Variants in GRID1 observed in about 807,000 individuals in gnomAD.
GRID1 encodes glutamate ionotropic receptor delta type subunit 1.
In GRID1, 28 loss-of-function variants were observed where a neutral mutation model predicts 98.0. The observed-to-expected ratio is 0.29, with a 90% CI of 0.21 to 0.39. GRID1 has a LOEUF of 0.39. GRID1 is among the 10% of genes least tolerant of loss of function. The pLI is 1.00. For missense variants in GRID1, 1,111 were observed against 1,340.5 expected (o/e 0.83, Z 2.67); for synonymous variants, 553 against 538.5 (o/e 1.03, Z -0.37).
In GRID1 at chr10:85,647,111, G is replaced by A. The variant is rs1401244480; in HGVS notation, c.2193+91C>T. The A allele has an allele frequency of 6.2e-6, 6 of 970,006 alleles. No homozygotes were observed. The African/African-American group carries it at 9.6e-5, about 16-fold the overall frequency. The allele number at this position is 970,006 out of a possible 1,614,324, so 60.1% of individuals were successfully genotyped here. Reference sequence around the variant, plus strand: ...TTGCAGGTAACAGGGCTGCTCAGAGGCAGATGCCCCTGGAGGTGTCTCCCA... The same window carrying A: ...TTGCAGGTAACAGGGCTGCTCAGAGACAGATGCCCCTGGAGGTGTCTCCCA... On this transcript the variant is annotated intron_variant, in intron 13 of 15. Coordinates refer to ENST00000327946, the MANE Select transcript of GRID1 (RefSeq NM_017551.3).
chr10:85,823,345 T>C (rs370449756), intron 8 of GRID1, among the ~76,000 whole-genome samples: 2 of 152,118 alleles, frequency 1.3e-5, no homozygotes, highest in African/African-American at 2.4e-5. Context: ...ATCCATGATA[T>C]GTTCAAGAAA....
chr10:85,755,489 C>T (rs1190289341), intron 8 of GRID1, among the ~76,000 whole-genome samples: 1 of 152,222 alleles, frequency 6.6e-6, no homozygotes, highest in Non-Finnish European at 1.5e-5. Context: ...TGCAACGTCA[C>T]TTCTGCCACA....
rs777039213 is a variant in GRID1, at chr10:85,982,398, GAC to G, written c.727-66161_727-66160del. On this transcript the variant is annotated intron_variant, in intron 4 of 15. Coordinates refer to ENST00000327946, the MANE Select transcript of GRID1 (RefSeq NM_017551.3). ...GAAGCATTTTAAGCAACAGTGATCT[GAC>G]TTATACTTAAGAGGATTAGACCAGG... Among the ~76,000 whole-genome samples, 816 of 152,282 alleles carry G rather than the reference GAC, an allele frequency of 5.4e-3. 7 individuals are homozygous for G. The highest frequency in any genetic ancestry group is 0.011 in the South Asian group (55 of 4,822).
rs141128058 is a variant in GRID1, at chr10:86,083,962, C to T, written c.726+54857G>A. 2.3e-3 allele frequency among the ~76,000 whole-genome samples: 345 copies of T among 152,314 alleles called. 1 individual carries two copies. In the East Asian group the frequency reaches 0.036, roughly 16 times the overall value. ...TTTCCAGGTGTCCCAAGGGAAGGGG[C>T]GAGGCTTCTTTCACTGCATCCGGAG... is the stretch of plus-strand genomic sequence containing the variant. On this transcript the variant is annotated intron_variant, in intron 4 of 15. Transcript: ENST00000327946.
At position 85,739,332 on chromosome 10, in the gene GRID1, C is replaced by A. The variant is rs190138025; in HGVS notation, c.1234-9718G>T. 1.4e-3 allele frequency among the ~76,000 whole-genome samples: 217 copies of A among 152,146 alleles called. 1 individual carries two copies. Among genetic ancestry groups the A allele is most frequent in the African/African-American group, 4.9e-3 (205 of 41,500 alleles). Reference sequence around the variant, plus strand: ...CAGTGGCTCATGCCTGTAATCCTAACAACTTGTGAGGCTAAGGCAAGAGAA... The same window carrying A: ...CAGTGGCTCATGCCTGTAATCCTAAAAACTTGTGAGGCTAAGGCAAGAGAA... On this transcript the variant is annotated intron_variant, in intron 8 of 15. Transcript: ENST00000327946.
At chr10:86,357,110 G>A (rs1311599292) in intron 2 of GRID1, among the ~76,000 whole-genome samples, 1 of 152,158 alleles carries the variant, frequency 6.6e-6, no homozygotes. Flanking sequence ...AAACAAAAGG[G>A]GCCACCTCAT....
intron 2 of GRID1, among the ~76,000 whole-genome samples, chr10:86,315,349 G>A (rs538182591): frequency 6.6e-6 from 1 of 152,274 alleles, no homozygotes; most frequent in South Asian, 2.1e-4. Context: ...AGCACTCCTG[G>A]ACCCCAGGCA....
At chr10:85,728,131 A>C in intron 9 of GRID1, 79 bp from the exon 10 acceptor site, 1 of 1,046,700 alleles carries the variant, frequency 9.6e-7, no homozygotes, top group Non-Finnish European at 1.5e-6. Flanking sequence ...GTTAGAGAGA[A>C]AGATCTGATT....
At chr10:86,314,001 C>A (rs1295865684) in intron 2 of GRID1, among the ~76,000 whole-genome samples, 7 of 152,246 alleles carry the variant, frequency 4.6e-5, no homozygotes, top group Non-Finnish European at 1.0e-4. Context: ...TAACCTATCA[C>A]CATCCATAAA....
At chr10:85,954,466 T>C (rs931082452) in intron 4 of GRID1, among the ~76,000 whole-genome samples, 5 of 152,262 alleles carry the variant, frequency 3.3e-5, no homozygotes, top group African/African-American at 9.6e-5. Context: ...GTCACAAATA[T>C]AGGAAATACT....
chr10:86,161,675 A>C (rs1224071685), intron 3 of GRID1, among the ~76,000 whole-genome samples: 1 of 152,154 alleles, frequency 6.6e-6, no homozygotes, highest in Non-Finnish European at 1.5e-5. Flanking sequence ...AATGCTGCAC[A>C]TCTCAGCCAC....
At chr10:86,269,079 C>A (rs1251848171) in intron 2 of GRID1, among the ~76,000 whole-genome samples, 1 of 152,224 alleles carries the variant, frequency 6.6e-6, no homozygotes, top group Non-Finnish European at 1.5e-5. Context: ...GGACAAACCC[C>A]TTCACCTCTG....
At chr10:86,088,178 C>T (rs1232903812) in intron 4 of GRID1, among the ~76,000 whole-genome samples, 2 of 152,206 alleles carry the variant, frequency 1.3e-5, no homozygotes, top group African/African-American at 4.8e-5. Context: ...ACACAGCCCG[C>T]TGTTTGATAA....
At chr10:86,135,362 CT>C (rs1026430883) in intron 4 of GRID1, among the ~76,000 whole-genome samples, 2 of 152,204 alleles carry the variant, frequency 1.3e-5, no homozygotes, top group African/African-American at 4.8e-5. Flanking sequence ...ACAGGCCCCC[CT>C]GGAGGAAGGG....
intron 10 of GRID1, among the ~76,000 whole-genome samples, 190 bp downstream of exon 10, chr10:85,727,665 G>A (rs1380408768): frequency 2.0e-5 from 3 of 152,156 alleles, no homozygotes; most frequent in Admixed American, 6.6e-5. Flanking sequence ...TGTCAGAGAC[G>A]AGGAGATACA....
chr10:86,069,498 A>C (rs1462388014), intron 4 of GRID1, among the ~76,000 whole-genome samples: 1 of 152,146 alleles, frequency 6.6e-6, no homozygotes, highest in East Asian at 1.9e-4. Context: ...CATACAAAAA[A>C]TTGGCACGGT....
intron 3 of GRID1, among the ~76,000 whole-genome samples, chr10:86,176,517 C>G (rs1845577995): frequency 6.6e-6 from 1 of 152,196 alleles, no homozygotes; most frequent in Admixed American, 6.5e-5. Context: ...TAAAGCAGTT[C>G]AGCACTGCCG....
At chr10:86,048,156 G>A (rs1239373662) in intron 4 of GRID1, among the ~76,000 whole-genome samples, 1 of 152,152 alleles carries the variant, frequency 6.6e-6, no homozygotes, top group African/African-American at 2.4e-5. Context: ...GAGGTTCCAG[G>A]ATCAGAGATC....
chr10:85,917,585 G>C (rs935152387), intron 4 of GRID1, among the ~76,000 whole-genome samples: 1 of 152,204 alleles, frequency 6.6e-6, no homozygotes, highest in Non-Finnish European at 1.5e-5. Context: ...TTCCTCATCA[G>C]TACACAGAGA....
Sources: allele counts gnomAD v4.1 joint callset (sites outside exome capture counted in the v4.1 genomes callset), GRCh38; gene constraint gnomAD v4.1.1; transcripts MANE v1.5; gene names NCBI Gene and HGNC (gene_info 2026-07-23, HGNC 2026-07-21).